The following PPP4R4 variants were observed in gnomAD, a reference collection of about 807,000 sequenced individuals.
The protein encoded by PPP4R4 is serine/threonine-protein phosphatase 4 regulatory subunit 4.
Under a neutral mutation model 121.8 loss-of-function variants are expected in PPP4R4, and 70 were observed. That is an observed-to-expected ratio of 0.57 (90% CI 0.47 to 0.70). PPP4R4 has a LOEUF of 0.70. Among genes scored for constraint, PPP4R4 ranks in the 30% least tolerant of loss-of-function variants. The pLI, the probability that PPP4R4 is intolerant of heterozygous loss-of-function variation, is 0.00. For synonymous variants in PPP4R4, 348 were observed against 355.7 expected, an observed-to-expected ratio of 0.98 and a Z score of 0.24; for missense variants, 875 against 1,033.6, an observed-to-expected ratio of 0.85 and a Z score of 2.10.
At chr14:94,233,626 A>AT (rs1337367473) in intron 5 of PPP4R4, 27 bp from the exon 6 acceptor site, 2 of 1,470,310 alleles carry the variant, frequency 1.4e-6, no homozygotes, top group Non-Finnish European at 1.9e-6. Context: ...AATTTTGTGA[A>AT]TTTTTTTCTC....
intron 2 of PPP4R4, among the ~76,000 whole-genome samples, chr14:94,190,668 A>C (rs1377760579): frequency 6.6e-6 from 1 of 152,200 alleles, no homozygotes; most frequent in East Asian, 1.9e-4. Flanking sequence ...CTATTTGTTA[A>C]TGAGGAAATA....
rs1595481416 is a variant in PPP4R4, at chr14:94,214,800, G to A, written c.294+6234G>A. Among the ~76,000 whole-genome samples the A allele has an allele frequency of 2.0e-5, 3 of 152,190 alleles. 1 individual carries two copies. Among genetic ancestry groups the A allele is most frequent in the Non-Finnish European group, 1.5e-5 (1 of 67,984 alleles). ...AAATCAAAATGCTCCAAAATTTGAA[G>A]CTTTTTGAGCATAAATATGATGCTA... On this transcript the variant is annotated intron_variant, in intron 3 of 24. Transcript: ENST00000304338.
At chr14:94,184,844 G>C (rs1415677869) in intron 2 of PPP4R4, among the ~76,000 whole-genome samples, 1 of 152,044 alleles carries the variant, frequency 6.6e-6, no homozygotes, top group Admixed American at 6.5e-5. Flanking sequence ...CCTCCAATCA[G>C]AAATGTTAAT....
intron 19 of PPP4R4, among the ~76,000 whole-genome samples, chr14:94,261,999 T>A (rs988082357): frequency 6.6e-6 from 1 of 152,046 alleles, no homozygotes; most frequent in African/African-American, 2.4e-5. Flanking sequence ...AATTGGCCTA[T>A]AATTCCCCTT....
intron 4 of PPP4R4, 64 bp downstream of exon 4, chr14:94,230,798 T>C (rs1327888851): frequency 6.7e-7 from 1 of 1,489,618 alleles, no homozygotes; most frequent in Non-Finnish European, 9.2e-7. Flanking sequence ...GGCCATGATA[T>C]TATATAAATA....
At chr14:94,243,775 T>A (rs923517108) in intron 11 of PPP4R4, among the ~76,000 whole-genome samples, 2 of 140,772 alleles carry the variant, frequency 1.4e-5, no homozygotes, top group Non-Finnish European at 3.1e-5. Context: ...CTAGTGTAAA[T>A]TTTTTTTTTT....
intron 2 of PPP4R4, among the ~76,000 whole-genome samples, chr14:94,203,735 A>G (rs961632724): frequency 2.6e-5 from 4 of 152,164 alleles, no homozygotes; most frequent in African/African-American, 9.7e-5. Flanking sequence ...AGCCATTCTG[A>G]TAAGTGTGTA....
At chr14:94,236,887 G>A (rs2139554456) in intron 7 of PPP4R4, among the ~76,000 whole-genome samples, 1 of 152,196 alleles carries the variant, frequency 6.6e-6, no homozygotes, top group East Asian at 1.9e-4. Flanking sequence ...TATAATTGAT[G>A]CTGTTTTCCA....
chr14:94,239,183 A>G (rs953421071), intron 8 of PPP4R4, among the ~76,000 whole-genome samples: 2 of 138,522 alleles, frequency 1.4e-5, no homozygotes, highest in Non-Finnish European at 3.1e-5. Flanking sequence ...GTCCTAGCCA[A>G]CTCCTTCTGC....
In PPP4R4 at chr14:94,241,884, A is replaced by G. The variant is rs77631090; in HGVS notation, c.1073A>G (p.Gln358Arg). Reference sequence around the variant, plus strand: ...CAAGAAAATGGACACAATGAAAACCAGATTCCACCCCAAATCCTAGAGCAG... The same window carrying G: ...CAAGAAAATGGACACAATGAAAACCGGATTCCACCCCAAATCCTAGAGCAG... ...LQQENGHNEN[Q>R]IPPQILEQEK... is the part of the protein sequence containing the mutation. The change falls in exon 10 of 25, where the codon CAG (glutamine) becomes CGG (arginine). Residue 358 changes from glutamine to arginine, a missense_variant. Transcript: ENST00000304338. 5.4e-5 allele frequency: 87 copies of G among 1,611,442 alleles called. No individual in the cohort carries two copies. The highest frequency in any genetic ancestry group is 7.2e-5 in the Non-Finnish European group (85 of 1,178,684).
chr14:94,263,371 A>G (rs1893879440), intron 19 of PPP4R4, among the ~76,000 whole-genome samples: 1 of 151,892 alleles, frequency 6.6e-6, no homozygotes, highest in South Asian at 2.1e-4. Flanking sequence ...AGTGTTACCA[A>G]CCCTTCCCTG....
At chr14:94,245,486 A>G (rs373527028) in intron 12 of PPP4R4, 101 bp from the exon 13 acceptor site, 244 of 247,994 alleles carry the variant, frequency 9.8e-4, no homozygotes, top group East Asian at 3.7e-3. Flanking sequence ...TATTTGGGGG[A>G]AAAAAAAAAA....
chr14:94,251,894 G>A lies in PPP4R4; in HGVS notation c.1863G>A (p.Val621=), dbSNP rs1200471860. 1 of 1,576,820 alleles carries A rather than the reference G, an allele frequency of 6.3e-7. No homozygotes were observed. The highest frequency in any genetic ancestry group is 8.6e-7 in the Non-Finnish European group (1 of 1,160,638). The change falls in exon 16 of 25, where the codon GTG becomes GTA. Residue 621 remains valine (V), a splice_region_variant and synonymous_variant. Transcript: ENST00000304338. ...IELTHDPVAN[V]RMKLCYLLPK... ...TGACACATGATCCAGTAGCAAATGT[G>A]AGGTATGTTATCAATGAAGGAAAAT...
At chr14:94,185,489 A>G (rs546903599) in intron 2 of PPP4R4, among the ~76,000 whole-genome samples, 13 of 152,112 alleles carry the variant, frequency 8.5e-5, no homozygotes, top group Non-Finnish European at 1.6e-4. Context: ...CCTGGGCAAC[A>G]GTGTGAGACC....
intron 2 of PPP4R4, among the ~76,000 whole-genome samples, chr14:94,178,839 C>T (rs1595442209): frequency 2.6e-5 from 4 of 152,068 alleles, no homozygotes; most frequent in Admixed American, 2.0e-4. Flanking sequence ...TGTGATTTTG[C>T]GTATATTTTT....
chr14:94,217,811 A>G (rs1028490941), intron 3 of PPP4R4, among the ~76,000 whole-genome samples: 2 of 152,128 alleles, frequency 1.3e-5, no homozygotes, highest in Admixed American at 6.5e-5. Context: ...TCTGACCAAC[A>G]TGGAGAAACC....
intron 23 of PPP4R4, among the ~76,000 whole-genome samples, chr14:94,269,554 G>A (rs1894215278): frequency 6.6e-6 from 1 of 151,700 alleles, no homozygotes; most frequent in South Asian, 2.1e-4. Context: ...GGCGTCAGGC[G>A]CCTGTAGTTC....
chr14:94,278,303 A>C (rs558626151), intron 24 of PPP4R4, among the ~76,000 whole-genome samples: 2 of 152,204 alleles, frequency 1.3e-5, no homozygotes, highest in Non-Finnish European at 2.9e-5. Context: ...ATTTATGCCT[A>C]TGTAACTTCC....
At chr14:94,177,250 T>G (rs1297973651) in intron 2 of PPP4R4, among the ~76,000 whole-genome samples, 2 of 152,208 alleles carry the variant, frequency 1.3e-5, no homozygotes, top group African/African-American at 4.8e-5. Context: ...TTAGACTTTA[T>G]GTTGATGTTA....
Sources: gnomAD v4.1 joint callset for allele counts (sites outside exome capture counted in the v4.1 genomes callset) on GRCh38, gnomAD v4.1.1 for gene constraint, MANE v1.5 for transcripts, NCBI Gene and HGNC (gene_info 2026-07-23, HGNC 2026-07-21) for gene names.